MIPOL1: variants seen among roughly 807,000 people sequenced by gnomAD.
The protein encoded by MIPOL1 is mirror-image polydactyly gene 1 protein.
In MIPOL1, 57 loss-of-function variants were observed where a neutral mutation model predicts 60.9. The observed-to-expected ratio is 0.94, with a 90% CI of 0.76 to 1.17. The LOEUF is 1.17. MIPOL1 is among the 50% of genes most tolerant of loss of function. The pLI, the probability that MIPOL1 is intolerant of heterozygous loss-of-function variation, is 0.00. For missense variants in MIPOL1, 551 were observed against 511.6 expected (o/e 1.08, Z -0.74); for synonymous variants, 179 against 168.8 (o/e 1.06, Z -0.47).
At chr14:37,355,070 C>A (rs1398158772) in intron 9 of MIPOL1, among the ~76,000 whole-genome samples, 1 of 148,220 alleles carries the variant, frequency 6.7e-6, no homozygotes, top group Non-Finnish European at 1.5e-5. Context: ...ATGTTTAGCA[C>A]TTCCTTCAGG....
chr14:37,292,263 G>A (rs942213447), intron 7 of MIPOL1, among the ~76,000 whole-genome samples: 2 of 151,850 alleles, frequency 1.3e-5, no homozygotes, highest in Non-Finnish European at 2.9e-5. Context: ...TTTTGGAGAG[G>A]ACAAGCATTC....
chr14:37,323,212 A>G (rs373134783), intron 9 of MIPOL1, among the ~76,000 whole-genome samples: 5 of 151,882 alleles, frequency 3.3e-5, no homozygotes, highest in Admixed American at 6.6e-5. Flanking sequence ...AGTTTTCCCA[A>G]CACCATTTAT....
At chr14:37,341,913 A>G (rs1388712250) in intron 9 of MIPOL1, among the ~76,000 whole-genome samples, 2 of 152,194 alleles carry the variant, frequency 1.3e-5, no homozygotes, top group Non-Finnish European at 2.9e-5. Context: ...GGAGTTATTT[A>G]TTATTCTTTC....
intron 12 of MIPOL1, among the ~76,000 whole-genome samples, chr14:37,545,458 A>G (rs1234436575): frequency 6.6e-6 from 1 of 152,212 alleles, no homozygotes; most frequent in East Asian, 1.9e-4. Context: ...GAATTTTCTA[A>G]TGACTCTTCT....
At chr14:37,523,648 A>AT (rs1336031977) in intron 12 of MIPOL1, 5 of 360,394 alleles carry the variant, frequency 1.4e-5, no homozygotes, top group Non-Finnish European at 2.5e-5. Flanking sequence ...AATTCAACAG[A>AT]TTTTTTAAAA....
At chr14:37,347,887 A>G (rs2091059222) in intron 9 of MIPOL1, among the ~76,000 whole-genome samples, 1 of 152,232 alleles carries the variant, frequency 6.6e-6, no homozygotes, top group Admixed American at 6.5e-5. Flanking sequence ...TCAGTAAAAT[A>G]ACTTTTTTTT....
intron 10 of MIPOL1, chr14:37,400,682 C>T (rs780233352): frequency 2.0e-5 from 3 of 152,134 alleles, no homozygotes; most frequent in Non-Finnish European, 2.9e-5. Flanking sequence ...ACTCCAACTA[C>T]CTAAACTCCA....
intron 9 of MIPOL1, among the ~76,000 whole-genome samples, chr14:37,360,159 G>A (rs575767456): frequency 3.3e-5 from 5 of 151,944 alleles, no homozygotes; most frequent in Non-Finnish European, 7.4e-5. Context: ...CTTGCATCCC[G>A]GGGATGAAGC....
intron 1 of MIPOL1, among the ~76,000 whole-genome samples, chr14:37,206,754 G>A (rs1273661075): frequency 1.3e-5 from 2 of 152,240 alleles, no homozygotes; most frequent in African/African-American, 4.8e-5. Flanking sequence ...CTGCATGTGA[G>A]ACATGGAGTC....
intron 6 of MIPOL1, among the ~76,000 whole-genome samples, chr14:37,279,360 G>A (rs2083916096): frequency 2.6e-5 from 4 of 151,440 alleles, no homozygotes; most frequent in African/African-American, 9.7e-5. Flanking sequence ...AGCTGTGGGT[G>A]TTTAATGAGC....
intron 7 of MIPOL1, among the ~76,000 whole-genome samples, chr14:37,292,432 A>G (rs990179727): frequency 6.6e-6 from 1 of 150,784 alleles, no homozygotes; most frequent in East Asian, 1.9e-4. Flanking sequence ...CTTTTAGCAG[A>G]ACAGAATGGT....
intron 1 of MIPOL1, among the ~76,000 whole-genome samples, chr14:37,212,652 G>A (rs1966883666): frequency 6.6e-6 from 1 of 152,148 alleles, no homozygotes; most frequent in African/African-American, 2.4e-5. Context: ...TCACCACCCT[G>A]AAGGGAAGGA....
Position 37,268,746 on chromosome 14 carries a change from G to A in MIPOL1, c.340G>A (p.Ala114Thr), listed in dbSNP as rs1218882055. ...AGACTCAGATAAAGAGAAGACAATA[G>A]CATTTCTTCTAAAAGAATTGGATAT... is the stretch of plus-strand genomic sequence containing the variant. ...TSDSDKEKTIAFLLKELDILR... is the reference protein window; with the variant it reads ...TSDSDKEKTITFLLKELDILR... The change falls in exon 5 of 13, where the codon GCA (alanine) becomes ACA (threonine). Residue 114 changes from alanine (A) to threonine (T), a missense_variant. By Grantham distance (58) the Ala-to-Thr change is moderately conservative (BLOSUM62 0). Coordinates refer to ENST00000684589, the MANE Select transcript of MIPOL1 (RefSeq NM_001388067.1). The A allele has an allele frequency of 5.7e-6, 9 of 1,588,870 alleles. No homozygotes were observed. The highest frequency in any genetic ancestry group is 6.9e-6 in the Non-Finnish European group (8 of 1,162,858).
intron 12 of MIPOL1, among the ~76,000 whole-genome samples, chr14:37,518,420 C>T (rs977528177): frequency 5.9e-5 from 9 of 152,102 alleles, no homozygotes; most frequent in Non-Finnish European, 5.9e-5. Context: ...CCGCAACTTC[C>T]GCCTCCCGGG....
chr14:37,248,971 T>TAGAA (rs1340994083), intron 3 of MIPOL1, among the ~76,000 whole-genome samples: 303 of 139,694 alleles, frequency 2.2e-3, no homozygotes, highest in Middle Eastern at 6.9e-3. Flanking sequence ...GAAAAACAAA[T>TAGAA]GGAAGGATGG....
chr14:37,246,954 T>C (rs1405335760), intron 1 of MIPOL1, 149 bp from the exon 2 acceptor site: 2 of 152,136 alleles, frequency 1.3e-5, no homozygotes, highest in African/African-American at 4.8e-5. Context: ...CCAGAGGTTA[T>C]TAAAGACTGT....
intron 9 of MIPOL1, among the ~76,000 whole-genome samples, chr14:37,347,795 A>G (rs780397799): frequency 4.6e-5 from 7 of 152,380 alleles, no homozygotes; most frequent in Non-Finnish European, 8.8e-5. Context: ...TCAAAGTGCC[A>G]AAGAAGTACC....
intron 12 of MIPOL1, among the ~76,000 whole-genome samples, chr14:37,513,694 A>C (rs771975925): frequency 8.5e-5 from 13 of 152,182 alleles, no homozygotes; most frequent in Non-Finnish European, 1.8e-4. Flanking sequence ...AACCTTATGG[A>C]ATGAATGAAA....
At chr14:37,525,951 A>G (rs1262370305) in intron 12 of MIPOL1, among the ~76,000 whole-genome samples, 1 of 152,166 alleles carries the variant, frequency 6.6e-6, no homozygotes. Flanking sequence ...TTGTTCCTCT[A>G]TGGTGTGTAT....
Sources: allele counts gnomAD v4.1 joint callset (sites outside exome capture counted in the v4.1 genomes callset), GRCh38; gene constraint gnomAD v4.1.1; transcripts MANE v1.5; gene names NCBI Gene and HGNC (gene_info 2026-07-23, HGNC 2026-07-21).